TAFA5: variants seen among roughly 807,000 people sequenced by gnomAD.
TAFA5 encodes the protein chemokine-like protein TAFA-5.
In TAFA5, 6 loss-of-function variants were observed where a neutral mutation model predicts 15.3. That is an observed-to-expected ratio of 0.39 (90% CI 0.21 to 0.77). The LOEUF is 0.77. Among genes scored for constraint, TAFA5 ranks in the 30% least tolerant of loss-of-function variants. The pLI is 0.41. For missense variants in TAFA5, 161 were observed against 193.1 expected, an observed-to-expected ratio of 0.83 and a Z score of 0.98; for synonymous variants, 103 against 80.7, an observed-to-expected ratio of 1.28 and a Z score of -1.48.
rs550505035 is a variant in TAFA5, at chr22:48,743,162, G to A, written c.391-6677G>A. On this transcript the variant is annotated intron_variant, in intron 3 of 3. Transcript: ENST00000402357. ...CTGTGGTCACAGTGTCTGCTGGGCC[G>A]TGCTCCCGCAGGAGGCAGCAGCAGA... is the stretch of plus-strand genomic sequence containing the variant. Among the ~76,000 whole-genome samples, 18 of 152,248 alleles carry A rather than the reference G, an allele frequency of 1.2e-4. No individual in the cohort carries two copies. In the East Asian group the frequency reaches 1.7e-3, roughly 15 times the overall value.
intron 3 of TAFA5, among the ~76,000 whole-genome samples, chr22:48,728,828 TAACA>T (rs1382028935): frequency 1.3e-5 from 2 of 152,208 alleles, no homozygotes; most frequent in African/African-American, 2.4e-5. Context: ...ATTGCACCTT[TAACA>T]AACCTATAAA....
At chr22:48,709,277 G>T (rs1929178317) in intron 3 of TAFA5, among the ~76,000 whole-genome samples, 1 of 152,188 alleles carries the variant, frequency 6.6e-6, no homozygotes, top group Non-Finnish European at 1.5e-5. Flanking sequence ...CCTGGTCAGG[G>T]TTTGTTTATC....
chr22:48,686,180 G>A (rs1429191720), intron 2 of TAFA5, among the ~76,000 whole-genome samples: 1 of 152,224 alleles, frequency 6.6e-6, no homozygotes, highest in African/African-American at 2.4e-5. Context: ...TATGGCGTCT[G>A]AGGCCGCCAG....
intron 2 of TAFA5, among the ~76,000 whole-genome samples, chr22:48,660,627 G>A (rs1191052773): frequency 6.6e-6 from 1 of 152,238 alleles, no homozygotes; most frequent in Non-Finnish European, 1.5e-5. Context: ...TGTCCCAGGC[G>A]AATTCATCTC....
At chr22:48,511,796 G>A (rs992639248) in intron 1 of TAFA5, among the ~76,000 whole-genome samples, 3 of 152,244 alleles carry the variant, frequency 2.0e-5, no homozygotes, top group African/African-American at 2.4e-5. Context: ...GTTTCTTCCC[G>A]CACTGGGAGA....
At chr22:48,510,817 C>T (rs1204801461) in intron 1 of TAFA5, among the ~76,000 whole-genome samples, 1 of 152,270 alleles carries the variant, frequency 6.6e-6, no homozygotes, top group Non-Finnish European at 1.5e-5. Flanking sequence ...CTGCTGTTTC[C>T]TGACCTTGCC....
chr22:48,527,309 T>G (rs993840239), intron 1 of TAFA5, among the ~76,000 whole-genome samples: 3 of 152,238 alleles, frequency 2.0e-5, no homozygotes, highest in African/African-American at 7.2e-5. Flanking sequence ...GTCTCTGAGA[T>G]CTGCACTCAA....
chr22:48,532,443 G>T (rs923499511), intron 1 of TAFA5, among the ~76,000 whole-genome samples: 1 of 152,220 alleles, frequency 6.6e-6, no homozygotes, highest in African/African-American at 2.4e-5. Flanking sequence ...GGCTGTTCAT[G>T]TACCCAGCAA....
intron 1 of TAFA5, among the ~76,000 whole-genome samples, chr22:48,555,998 T>A (rs1923024746): frequency 6.6e-6 from 1 of 152,160 alleles, no homozygotes; most frequent in Non-Finnish European, 1.5e-5. Context: ...TGTCCTGTCC[T>A]GTGGGCAGAG....
intron 3 of TAFA5, among the ~76,000 whole-genome samples, chr22:48,721,005 C>T (rs1178806020): frequency 1.3e-5 from 2 of 152,212 alleles, no homozygotes; most frequent in Admixed American, 6.5e-5. Context: ...ACCCGAGTGG[C>T]CCCCTCTCCT....
At chr22:48,714,572 C>A (rs9628604) in intron 3 of TAFA5, among the ~76,000 whole-genome samples, 9,641 of 152,302 alleles carry the variant, frequency 0.063, 364 homozygotes, top group Admixed American at 0.095. Flanking sequence ...GCGTTGGACC[C>A]TGCAGCGGAA....
intron 1 of TAFA5, among the ~76,000 whole-genome samples, chr22:48,575,335 G>A (rs970072030): frequency 2.6e-5 from 4 of 151,120 alleles, no homozygotes; most frequent in African/African-American, 7.3e-5. Context: ...CGGGGTCCCC[G>A]GGGTCCCTCG....
At position 48,516,396 on chromosome 22, in the gene TAFA5, G is replaced by A. The variant is rs368149954; in HGVS notation, c.112+26692G>A. 2.6e-5 allele frequency among the ~76,000 whole-genome samples: 4 copies of A among 151,982 alleles called. No individual in the cohort carries two copies. In the East Asian group the frequency reaches 5.8e-4, roughly 22 times the overall value. On this transcript the variant is annotated intron_variant, in intron 1 of 3. Coordinates refer to ENST00000402357, the MANE Select transcript of TAFA5 (RefSeq NM_001082967.3). Reference sequence around the variant, plus strand: ...CCCCTGTCACCGAGACCTCGGGGCCGCGTGGTTTTGGTGTAATTTAAGTGA... The same window carrying A: ...CCCCTGTCACCGAGACCTCGGGGCCACGTGGTTTTGGTGTAATTTAAGTGA...
rs187008507 is a variant in TAFA5 at position 48,691,790 on chromosome 22, G to A, written c.263-15927G>A. ...CCGGGGAGGGCCCCAGGCGGCTGAC[G>A]TTGAGTCTCGTGGGATGGCGAGGTG... On this transcript the variant is annotated intron_variant, in intron 2 of 3. Coordinates refer to ENST00000402357, the MANE Select transcript of TAFA5 (RefSeq NM_001082967.3). Among the ~76,000 whole-genome samples, 348 of 152,326 alleles carry A rather than the reference G, an allele frequency of 2.3e-3. 1 individual carries two copies. The highest frequency in any genetic ancestry group is 6.1e-3 in the African/African-American group (252 of 41,582).
At chr22:48,657,884 T>C (rs1927303011) in intron 2 of TAFA5, among the ~76,000 whole-genome samples, 1 of 151,906 alleles carries the variant, frequency 6.6e-6, no homozygotes. Flanking sequence ...ACGCTGCCGC[T>C]CTTGAACCTG....
chr22:48,677,320 A>T (rs1000887578), intron 2 of TAFA5, among the ~76,000 whole-genome samples: 1 of 152,228 alleles, frequency 6.6e-6, no homozygotes, highest in Admixed American at 6.5e-5. Flanking sequence ...TTTGGTCATC[A>T]CGCCTTGGCT....
At chr22:48,608,859 G>A (rs1925294624) in intron 1 of TAFA5, among the ~76,000 whole-genome samples, 1 of 152,280 alleles carries the variant, frequency 6.6e-6, no homozygotes, top group Non-Finnish European at 1.5e-5. Context: ...CCATGGCAAA[G>A]CTTTCTCTGC....
At chr22:48,512,901 C>G (rs1193969402) in intron 1 of TAFA5, among the ~76,000 whole-genome samples, 2 of 119,166 alleles carry the variant, frequency 1.7e-5, no homozygotes, top group Non-Finnish European at 3.2e-5. Context: ...CCAGCCTGGG[C>G]GACAGAGCGA....
chr22:48,544,901 C>CT, intron 1 of TAFA5: 1 of 467,776 alleles, frequency 2.1e-6, no homozygotes, highest in South Asian at 1.6e-5. Context: ...AAGTCTGCAT[C>CT]TGTCCCACCT....
Sources: gnomAD v4.1 joint callset for allele counts (sites outside exome capture counted in the v4.1 genomes callset) on GRCh38, gnomAD v4.1.1 for gene constraint, MANE v1.5 for transcripts, NCBI Gene and HGNC (gene_info 2026-07-23, HGNC 2026-07-21) for gene names.